SPAG16: variants seen among roughly 807,000 people sequenced by gnomAD.
SPAG16 encodes sperm-associated antigen 16 protein.
A neutral mutation model predicts 80.4 loss-of-function variants in SPAG16; 86 were observed. The observed-to-expected ratio is 1.07, with a 90% CI of 0.90 to 1.28. The LOEUF is 1.28. SPAG16 is among the 50% of genes most tolerant of loss of function. SPAG16 has a pLI of 0.00. For missense variants in SPAG16, 870 were observed against 765.3 expected (o/e 1.14, Z -1.61); for synonymous variants, 294 against 265.9 (o/e 1.11, Z -1.03).
intron 15 of SPAG16, among the ~76,000 whole-genome samples, chr2:214,292,176 T>C (rs1002172889): frequency 2.0e-5 from 3 of 152,178 alleles, no homozygotes; most frequent in African/African-American, 7.2e-5. Context: ...TTTTATATAG[T>C]TTTCTCTTTA....
chr2:213,869,270 T>TATAC (rs1049416149), intron 11 of SPAG16, among the ~76,000 whole-genome samples: 19 of 69,670 alleles, frequency 2.7e-4, no homozygotes, highest in East Asian at 2.5e-3. Context: ...AAAAAATATA[T>TATAC]ATATATATAT....
intron 10 of SPAG16, among the ~76,000 whole-genome samples, chr2:213,549,528 C>T (rs926530975): frequency 2.6e-5 from 4 of 152,172 alleles, no homozygotes; most frequent in African/African-American, 7.2e-5. Context: ...TTAGTTTCTT[C>T]ACTTCTCTCC....
At chr2:213,702,437 C>T (rs895682065) in intron 10 of SPAG16, among the ~76,000 whole-genome samples, 3 of 152,154 alleles carry the variant, frequency 2.0e-5, no homozygotes, top group African/African-American at 7.2e-5. Flanking sequence ...AAGGTCTGCA[C>T]CTTCACTTCT....
intron 11 of SPAG16, among the ~76,000 whole-genome samples, chr2:213,925,951 T>A (rs1317561253): frequency 6.6e-6 from 1 of 152,150 alleles, no homozygotes; most frequent in Non-Finnish European, 1.5e-5. Context: ...CTAAAATGCA[T>A]CTAAGTAAAA....
At chr2:213,442,163 CG>C (rs902612559) in intron 9 of SPAG16, among the ~76,000 whole-genome samples, 10 of 146,196 alleles carry the variant, frequency 6.8e-5, no homozygotes, top group African/African-American at 2.7e-4. Context: ...ACAAACAAAC[CG>C]AAACCACTAT....
intron 10 of SPAG16, among the ~76,000 whole-genome samples, chr2:213,649,183 GA>G (rs1231068273): frequency 6.6e-6 from 1 of 152,204 alleles, no homozygotes; most frequent in Non-Finnish European, 1.5e-5. Context: ...AAGAAGAAAA[GA>G]GACATTTTGA....
intron 10 of SPAG16, among the ~76,000 whole-genome samples, chr2:213,520,987 G>A (rs1294170074): frequency 6.6e-6 from 1 of 152,074 alleles, no homozygotes; most frequent in African/African-American, 2.4e-5. Flanking sequence ...GGGGATGTCT[G>A]GGGCTGGGAG....
At chr2:214,309,448 T>C (rs1420036394) in intron 15 of SPAG16, among the ~76,000 whole-genome samples, 1 of 152,182 alleles carries the variant, frequency 6.6e-6, no homozygotes, top group East Asian at 1.9e-4. Context: ...ATGCAATCAT[T>C]TGGAGAAAAG....
intron 10 of SPAG16, among the ~76,000 whole-genome samples, chr2:213,611,890 A>G (rs978842582): frequency 4.6e-4 from 70 of 152,340 alleles, no homozygotes; most frequent in African/African-American, 1.5e-3. Flanking sequence ...GGCGCTTCAC[A>G]GAAAGTTACC....
At chr2:213,575,238 G>A (rs2060082945) in intron 10 of SPAG16, among the ~76,000 whole-genome samples, 7 of 152,122 alleles carry the variant, frequency 4.6e-5, no homozygotes, top group Non-Finnish European at 1.0e-4. Flanking sequence ...TATATTCAGA[G>A]TTGAATGCAT....
chr2:214,186,682 AT>A (rs1358464562), intron 15 of SPAG16, among the ~76,000 whole-genome samples: 1 of 152,126 alleles, frequency 6.6e-6, no homozygotes, highest in Non-Finnish European at 1.5e-5. Flanking sequence ...TACACTACAA[AT>A]TGTCAAAATT....
chr2:214,235,669 A>G (rs1689026221), intron 15 of SPAG16, among the ~76,000 whole-genome samples: 1 of 152,152 alleles, frequency 6.6e-6, no homozygotes, highest in Admixed American at 6.6e-5. Flanking sequence ...TGTGGTCGCC[A>G]AGGTTTTTTT....
chr2:213,817,527 A>G (rs906441759), intron 10 of SPAG16, among the ~76,000 whole-genome samples: 16 of 152,148 alleles, frequency 1.1e-4, no homozygotes, highest in African/African-American at 3.4e-4. Flanking sequence ...AGATATATAT[A>G]TACTTTTATG....
chr2:213,801,270 CT>C (rs994919586), intron 10 of SPAG16, among the ~76,000 whole-genome samples: 1 of 152,184 alleles, frequency 6.6e-6, no homozygotes, highest in African/African-American at 2.4e-5. Context: ...GGAATAAATA[CT>C]TTCTCTATTT....
intron 10 of SPAG16, among the ~76,000 whole-genome samples, chr2:213,754,882 A>G (rs1388900459): frequency 1.3e-5 from 2 of 152,206 alleles, no homozygotes; most frequent in Non-Finnish European, 2.9e-5. Context: ...ATTATAAGAA[A>G]CAGTTGAATA....
At chr2:213,365,895 C>T (rs553547115) in intron 8 of SPAG16, among the ~76,000 whole-genome samples, 12 of 151,716 alleles carry the variant, frequency 7.9e-5, no homozygotes, top group African/African-American at 2.9e-4. Context: ...GTAATCCCAG[C>T]ACTTTGGGAG....
chr2:213,865,522 G>T lies in SPAG16; in HGVS notation c.1214+2894G>T, dbSNP rs866444094. Among the ~76,000 whole-genome samples, 8 of 150,558 alleles carry T rather than the reference G, an allele frequency of 5.3e-5. No homozygotes were observed. The Middle Eastern group carries it at 0.028, about 534-fold the overall frequency. On this transcript the variant is annotated intron_variant, in intron 11 of 15. Transcript: ENST00000331683. Reference sequence around the variant, plus strand: ...TCTTTATCATTAAATAAGAAAAAAAGAAAATAAGTGGATTATGAATTCAAA... The same window carrying T: ...TCTTTATCATTAAATAAGAAAAAAATAAAATAAGTGGATTATGAATTCAAA...
At chr2:213,322,236 ATAAC>A (rs1376674390) in intron 5 of SPAG16, among the ~76,000 whole-genome samples, 1 of 150,742 alleles carries the variant, frequency 6.6e-6, no homozygotes, top group African/African-American at 2.4e-5. Flanking sequence ...AAGTTTATAA[ATAAC>A]TATTATGAGT....
intron 13 of SPAG16, among the ~76,000 whole-genome samples, chr2:214,054,583 A>G (rs2049836915): frequency 6.6e-6 from 1 of 152,184 alleles, no homozygotes; most frequent in Non-Finnish European, 1.5e-5. Flanking sequence ...TTCAATGAGA[A>G]TGAGAGTTGA....
Sources: gnomAD v4.1 joint callset for allele counts (sites outside exome capture counted in the v4.1 genomes callset) on GRCh38, gnomAD v4.1.1 for gene constraint, MANE v1.5 for transcripts, NCBI Gene and HGNC (gene_info 2026-07-23, HGNC 2026-07-21) for gene names.